SGPL1: variants seen among roughly 807,000 people sequenced by gnomAD.
The protein encoded by SGPL1 is SP-lyase 1.
SGPL1 carries 37 observed loss-of-function variants against 68.9 expected under a neutral mutation model. The observed-to-expected ratio is 0.54, with a 90% confidence interval of 0.41 to 0.71. The LOEUF (loss-of-function observed/expected upper bound fraction) is 0.71, where lower values mean the gene tolerates loss of function less well. Among genes scored for constraint, SGPL1 ranks in the 30% least tolerant of loss-of-function variants. The pLI, the probability that SGPL1 is intolerant of heterozygous loss-of-function variation, is 0.00. For synonymous variants in SGPL1, 236 were observed against 248.5 expected, an observed-to-expected ratio of 0.95 and a Z score of 0.47; for missense variants, 551 against 704.6, an observed-to-expected ratio of 0.78 and a Z score of 2.47.
chr10:70,851,687 G>C (rs1369462142), intron 4 of SGPL1, among the ~76,000 whole-genome samples: 2 of 152,190 alleles, frequency 1.3e-5, no homozygotes, highest in Non-Finnish European at 2.9e-5. Flanking sequence ...ACATGGTTTA[G>C]GTCAGGGGTC....
chr10:70,844,421 C>A, intron 2 of SGPL1, 52 bp from the exon 3 acceptor site: 2 of 1,526,538 alleles, frequency 1.3e-6, no homozygotes, highest in Non-Finnish European at 1.8e-6. Context: ...TAAGAACAGA[C>A]TTCTTTTCTC....
At chr10:70,819,725 G>C (rs944885925) in intron 2 of SGPL1, among the ~76,000 whole-genome samples, 1 of 150,946 alleles carries the variant, frequency 6.6e-6, no homozygotes, top group Non-Finnish European at 1.5e-5. Flanking sequence ...CAATCTCTGA[G>C]GCTCAGATGA....
intron 9 of SGPL1, chr10:70,870,129 G>T: frequency 2.4e-6 from 1 of 412,862 alleles, no homozygotes; most frequent in Non-Finnish European, 4.3e-6. Context: ...AGAGACACTG[G>T]TTTTGCGGTC....
At chr10:70,850,411 A>G (rs893203673) in intron 3 of SGPL1, among the ~76,000 whole-genome samples, 2 of 152,198 alleles carry the variant, frequency 1.3e-5, no homozygotes, top group African/African-American at 4.8e-5. Flanking sequence ...ACAAAACTAA[A>G]AACAGGCTGC....
intron 4 of SGPL1, among the ~76,000 whole-genome samples, chr10:70,852,871 C>T (rs1244034449): frequency 1.3e-5 from 2 of 152,160 alleles, no homozygotes; most frequent in Non-Finnish European, 2.9e-5. Flanking sequence ...ATGGAACTTA[C>T]ATTTTAATAG....
At chr10:70,833,666 T>TG (rs1267652800) in intron 2 of SGPL1, among the ~76,000 whole-genome samples, 4 of 151,964 alleles carry the variant, frequency 2.6e-5, no homozygotes, top group Non-Finnish European at 4.4e-5. Flanking sequence ...CTTTTTTTGG[T>TG]GGGGGGGCAG....
chr10:70,816,539 A>G (rs1242282231), intron 1 of SGPL1, among the ~76,000 whole-genome samples: 2 of 152,132 alleles, frequency 1.3e-5, no homozygotes, highest in South Asian at 4.1e-4. Context: ...TCGCGCGCAG[A>G]CGGGGCGTTT....
intron 2 of SGPL1, among the ~76,000 whole-genome samples, chr10:70,843,006 G>A (rs1845739362): frequency 6.6e-6 from 1 of 152,196 alleles, no homozygotes; most frequent in Admixed American, 6.5e-5. Flanking sequence ...TAGAACTTTT[G>A]CCATATGCAG....
chr10:70,828,329 T>A (rs948497910), intron 2 of SGPL1, among the ~76,000 whole-genome samples: 18 of 152,282 alleles, frequency 1.2e-4, no homozygotes, highest in Admixed American at 4.6e-4. Context: ...TTTTTATTTT[T>A]ATTTTTTTCG....
chr10:70,839,689 T>A (rs1845686364), intron 2 of SGPL1, among the ~76,000 whole-genome samples: 1 of 152,104 alleles, frequency 6.6e-6, no homozygotes. Context: ...AGCCTAAGAA[T>A]TATAAGTATA....
intron 2 of SGPL1, among the ~76,000 whole-genome samples, chr10:70,819,376 A>G (rs1036428230): frequency 2.6e-5 from 4 of 152,250 alleles, no homozygotes; most frequent in African/African-American, 9.6e-5. Context: ...AAAAGTTGTC[A>G]TTCATTCCTT....
chr10:70,821,732 C>CT (rs1845340791), intron 2 of SGPL1, among the ~76,000 whole-genome samples: 1 of 152,158 alleles, frequency 6.6e-6, no homozygotes, highest in Admixed American at 6.5e-5. Flanking sequence ...TATGAAGTTT[C>CT]TTACCATAGA....
rs1564626153 is a variant in SGPL1, at chr10:70,854,841, A to G, written c.395A>G (p.Glu132Gly). ...SSSAVLEKLK[E>G]YSSMDAFWQE... ...TCTGCTGTTTTGGAGAAACTTAAGG[A>G]GTACAGCTCTATGGGTATGATGCTT... The change falls in exon 5 of 15, where the codon GAG becomes GGG. Residue 132 changes from glutamate to glycine, a missense_variant. Physicochemically the swap from Glu to Gly is moderately conservative, Grantham distance 98. Transcript: ENST00000373202. 12 of 1,610,602 alleles carry G rather than the reference A, an allele frequency of 7.5e-6. No individual in the cohort carries two copies. Among genetic ancestry groups the G allele is most frequent in the Non-Finnish European group, 1.0e-5 (12 of 1,178,648 alleles).
chr10:70,864,149 G>T (rs1846135430), intron 7 of SGPL1, among the ~76,000 whole-genome samples: 1 of 152,042 alleles, frequency 6.6e-6, no homozygotes, highest in African/African-American at 2.4e-5. Flanking sequence ...AATATTGCTA[G>T]AAATAGAAGT....
chr10:70,873,130 G>A (rs561246197), intron 11 of SGPL1, among the ~76,000 whole-genome samples: 3 of 152,284 alleles, frequency 2.0e-5, no homozygotes, highest in East Asian at 3.9e-4. Context: ...GTTCTTCCCT[G>A]GGTCTCAGAT....
At chr10:70,844,707 TA>T (rs1564622819) in intron 3 of SGPL1, 69 bp downstream of exon 3, 3 of 1,400,064 alleles carry the variant, frequency 2.1e-6, no homozygotes, top group Non-Finnish European at 3.0e-6. Context: ...TGCTGAGAGA[TA>T]GGACTAATTT....
At chr10:70,867,525 G>A (rs1846215554) in intron 7 of SGPL1, among the ~76,000 whole-genome samples, 1 of 151,206 alleles carries the variant, frequency 6.6e-6, no homozygotes, top group African/African-American at 2.4e-5. Flanking sequence ...TCATGCCATG[G>A]CACTCCAGCC....
At chr10:70,828,712 TA>T (rs1845480688) in intron 2 of SGPL1, among the ~76,000 whole-genome samples, 1 of 152,232 alleles carries the variant, frequency 6.6e-6, no homozygotes, top group Admixed American at 6.5e-5. Context: ...CATAATCTTC[TA>T]GAATGCTTTA....
chr10:70,841,155 C>T (rs1392898850), intron 2 of SGPL1, among the ~76,000 whole-genome samples: 1 of 151,962 alleles, frequency 6.6e-6, no homozygotes, highest in Non-Finnish European at 1.5e-5. Context: ...GCTGGTATTG[C>T]CATTGCTTTG....
Sources: allele counts gnomAD v4.1 joint callset (sites outside exome capture counted in the v4.1 genomes callset), GRCh38; gene constraint gnomAD v4.1.1; transcripts MANE v1.5; gene names NCBI Gene and HGNC (gene_info 2026-07-23, HGNC 2026-07-21).